Variants in KLRG1 observed in about 807,000 individuals in gnomAD.
The protein encoded by KLRG1 is killer cell lectin like receptor G1.
A neutral mutation model predicts 21.8 loss-of-function variants in KLRG1; 16 were observed. That is an observed-to-expected ratio of 0.73 (90% CI 0.50 to 1.11). The LOEUF (loss-of-function observed/expected upper bound fraction) is 1.11. Among genes scored for constraint, KLRG1 ranks in the 50% most tolerant of loss-of-function variants. The pLI is 0.00. For missense variants in KLRG1, 173 were observed against 218.3 expected (o/e 0.79, Z 1.31); for synonymous variants, 69 against 75.9 (o/e 0.91, Z 0.47).
At chr12:9,197,118 G>T in the KLRG1 span, 1 of 1,596,642 alleles carries the variant, frequency 6.3e-7, no homozygotes, top group Non-Finnish European at 8.6e-7. Context: ...CTTCCCATAA[G>T]TGTATCTGGT....
chr12:9,203,417 C>T, the KLRG1 span, among the ~76,000 whole-genome samples: 6 of 146,830 alleles, frequency 4.1e-5, no homozygotes, highest in Admixed American at 2.1e-4. Flanking sequence ...TCTCGGCTCA[C>T]TGCAAACTTC....
chr12:9,175,497 A>G, the KLRG1 span, among the ~76,000 whole-genome samples: 2 of 152,330 alleles, frequency 1.3e-5, no homozygotes, highest in East Asian at 3.9e-4. Flanking sequence ...CTGCACAGCA[A>G]AAGGAACTAT....
the KLRG1 span, among the ~76,000 whole-genome samples, chr12:9,178,120 T>TC: frequency 1.3e-5 from 2 of 152,156 alleles, no homozygotes; most frequent in Admixed American, 6.5e-5. Context: ...ATTATAGCAA[T>TC]CCCCCAATCT....
In KLRG1 at chr12:8,971,918, T is replaced by C. The variant is rs755243344; in HGVS notation, c.-155-20288T>C. 3.3e-5 allele frequency among the ~76,000 whole-genome samples: 5 copies of C among 152,364 alleles called. No individual in the cohort carries two copies. The South Asian group carries it at 1.0e-3, about 32-fold the overall frequency. ...TTTTGGATATTAACCCCTTATCAGA[T>C]ATATGGTTTACAAATATTTTCTCCC... On this transcript the variant is annotated intron_variant, in intron 1 of 4. Transcript: ENST00000539240.
At chr12:9,077,632 A>G in the KLRG1 span, 5 of 1,572,824 alleles carry the variant, frequency 3.2e-6, no homozygotes, top group Non-Finnish European at 4.3e-6. Context: ...TTTTCACATT[A>G]TCACTTCCTA....
chr12:9,110,373 C>G, the KLRG1 span: 1 of 1,267,692 alleles, frequency 7.9e-7, no homozygotes, highest in Non-Finnish European at 1.1e-6. Context: ...TAATTATTTT[C>G]AAATATTCTT....
At chr12:9,110,458 G>T in the KLRG1 span, 1 of 527,706 alleles carries the variant, frequency 1.9e-6, no homozygotes, top group Non-Finnish European at 3.2e-6. Context: ...TAATTTAATT[G>T]TACATTTAAA....
the KLRG1 span, chr12:9,104,539 G>T: frequency 1.8e-5 from 13 of 739,546 alleles, no homozygotes; most frequent in South Asian, 2.6e-4. Context: ...GAAAAAAAAC[G>T]AAGTTTCTTC....
At chr12:9,118,575 G>A in the KLRG1 span, among the ~76,000 whole-genome samples, 1 of 152,128 alleles carries the variant, frequency 6.6e-6, no homozygotes, top group East Asian at 1.9e-4. Context: ...ACAGAGAAAT[G>A]CATTCTCTTA....
chr12:9,192,677 A>G, the KLRG1 span: 1,472,373 of 1,613,838 alleles, frequency 0.91, 673,576 homozygotes, highest in East Asian at 0.97. Context: ...TGTGCTGAGC[A>G]CCCTGGTGGT....
At chr12:9,106,150 C>T in the KLRG1 span, 1 of 737,728 alleles carries the variant, frequency 1.4e-6, no homozygotes, top group Non-Finnish European at 2.3e-6. Flanking sequence ...TAACATTAAC[C>T]AGGCATGGTT....
chr12:9,054,942 A>G, the KLRG1 span, among the ~76,000 whole-genome samples: 1 of 152,236 alleles, frequency 6.6e-6, no homozygotes, highest in Admixed American at 6.5e-5. Context: ...AGCATACTTC[A>G]AATATTTCAA....
chr12:9,093,168 A>G, the KLRG1 span, among the ~76,000 whole-genome samples: 2 of 152,228 alleles, frequency 1.3e-5, no homozygotes, highest in African/African-American at 4.8e-5. Flanking sequence ...AATCTAAAGT[A>G]CAGCATGAGG....
chr12:9,093,530 C>G, the KLRG1 span: 4 of 1,613,242 alleles, frequency 2.5e-6, no homozygotes, highest in Non-Finnish European at 3.4e-6. Flanking sequence ...CCGTGTGAGG[C>G]TCTTCAACAT....
chr12:9,125,624 A>G, the KLRG1 span, among the ~76,000 whole-genome samples: 1 of 152,250 alleles, frequency 6.6e-6, no homozygotes, highest in Non-Finnish European at 1.5e-5. Flanking sequence ...AATGGCTTCA[A>G]TGGCATTTTT....
the KLRG1 span, among the ~76,000 whole-genome samples, chr12:9,215,462 C>A: frequency 6.6e-6 from 1 of 151,842 alleles, no homozygotes; most frequent in Non-Finnish European, 1.5e-5. Flanking sequence ...ATTTTAATTA[C>A]GTTTTTAATA....
the KLRG1 span, chr12:9,116,270 G>T: frequency 1.5e-5 from 4 of 261,352 alleles, no homozygotes; most frequent in Non-Finnish European, 3.0e-5. Flanking sequence ...GCAACACTGG[G>T]CAGGCTCAAA....
the KLRG1 span, among the ~76,000 whole-genome samples, chr12:9,105,968 G>A: frequency 1.2e-4 from 18 of 152,250 alleles, no homozygotes; most frequent in Non-Finnish European, 2.6e-4. Flanking sequence ...GTACAATGCT[G>A]TTTCAAAAGA....
the KLRG1 span, among the ~76,000 whole-genome samples, chr12:9,132,441 A>C: frequency 3.3e-5 from 5 of 152,362 alleles, no homozygotes; most frequent in East Asian, 7.7e-4. Context: ...GGCTAAAGAG[A>C]GAGAGAGTCA....
Sources: gnomAD v4.1 joint callset for allele counts (sites outside exome capture counted in the v4.1 genomes callset) on GRCh38, gnomAD v4.1.1 for gene constraint, MANE v1.5 for transcripts, NCBI Gene and HGNC (gene_info 2026-07-23, HGNC 2026-07-21) for gene names.